CARNMT1: variants seen among roughly 807,000 people sequenced by gnomAD.
CARNMT1 encodes protein-L-histidine N-pros-methyltransferase CARNMT1.
In CARNMT1, 28 loss-of-function variants were observed where a neutral mutation model predicts 49.6. That is an observed-to-expected ratio of 0.56 (90% CI 0.42 to 0.77). CARNMT1 has a LOEUF of 0.77. Ranked by LOEUF, CARNMT1 falls within the 30% of genes least tolerant of loss-of-function variation. The pLI is 0.00. For missense variants in CARNMT1, 421 were observed against 512.6 expected, an observed-to-expected ratio of 0.82 and a Z score of 1.73; for synonymous variants, 178 against 175.0, an observed-to-expected ratio of 1.02 and a Z score of -0.13.
intron 3 of CARNMT1, among the ~76,000 whole-genome samples, chr9:75,003,955 A>C (rs1051091096): frequency 4.6e-5 from 7 of 152,258 alleles, no homozygotes; most frequent in African/African-American, 1.7e-4. Context: ...GACTCACTGC[A>C]ACCTCCGCCT....
intron 1 of CARNMT1, chr9:75,027,275 A>G: frequency 1.7e-6 from 1 of 576,118 alleles, no homozygotes; most frequent in Non-Finnish European, 2.2e-6. Flanking sequence ...AATGAGGAGC[A>G]TAAAGGTCCT....
chr9:75,011,079 TAA>T (rs1833678304), intron 3 of CARNMT1, among the ~76,000 whole-genome samples: 1 of 151,912 alleles, frequency 6.6e-6, no homozygotes. Flanking sequence ...TCACTCATCA[TAA>T]GAGAAATGCA....
intron 1 of CARNMT1, 119 bp downstream of exon 1, chr9:75,027,893 C>T (rs1822577441): frequency 1.7e-6 from 2 of 1,155,170 alleles, no homozygotes; most frequent in African/African-American, 1.7e-5. Flanking sequence ...CTGCAGCAGC[C>T]GGGTCCCGAC....
chr9:75,022,217 T>C (rs1399708795), intron 1 of CARNMT1, among the ~76,000 whole-genome samples: 1 of 128,694 alleles, frequency 7.8e-6, no homozygotes, highest in African/African-American at 2.9e-5. Flanking sequence ...GGAATACTTT[T>C]TTTTTTTTTT....
chr9:74,989,588 A>G (rs1587654357), intron 6 of CARNMT1, among the ~76,000 whole-genome samples: 1 of 152,152 alleles, frequency 6.6e-6, no homozygotes, highest in Non-Finnish European at 1.5e-5. Context: ...ATAATCCCAC[A>G]TGGAGGGAGG....
At chr9:74,993,579 A>C (rs1833097504) in intron 6 of CARNMT1, among the ~76,000 whole-genome samples, 1 of 152,152 alleles carries the variant, frequency 6.6e-6, no homozygotes, top group Non-Finnish European at 1.5e-5. Context: ...TCCTAATGCT[A>C]ATCCAGGCAA....
chr9:75,004,378 T>C (rs1833445450), intron 3 of CARNMT1, among the ~76,000 whole-genome samples: 1 of 152,258 alleles, frequency 6.6e-6, no homozygotes, highest in South Asian at 2.1e-4. Flanking sequence ...GAGTGTCCTG[T>C]ATTTCTTTTT....
chr9:75,003,278 T>G (rs1346874477), intron 3 of CARNMT1, among the ~76,000 whole-genome samples: 1 of 152,236 alleles, frequency 6.6e-6, no homozygotes, highest in African/African-American at 2.4e-5. Flanking sequence ...TGAACTCTCT[T>G]CTCTATGCTT....
chr9:75,014,845 A>T (rs1188819264), intron 3 of CARNMT1, among the ~76,000 whole-genome samples: 1 of 151,894 alleles, frequency 6.6e-6, no homozygotes, highest in Non-Finnish European at 1.5e-5. Flanking sequence ...AAAAATAATA[A>T]ATAAATAAAT....
Position 74,981,156 on chromosome 9 carries a change from T to C in CARNMT1, c.*2611A>G, listed in dbSNP as rs1832681859. On this transcript the variant is annotated 3_prime_UTR_variant, in exon 8 of 8. Coordinates refer to ENST00000376834, the MANE Select transcript of CARNMT1 (RefSeq NM_152420.3). ...CAACTTTTAGAATGAGAGTTACATA[T>C]AAATACAGTACATTTTACAGTTACC... 2 of 152,166 alleles carry C rather than the reference T, an allele frequency of 1.3e-5. No homozygotes were observed. The highest frequency in any genetic ancestry group is 4.1e-4 in the South Asian group (2 of 4,836). The allele number at this position is 152,166 out of a possible 1,614,324, so 9.4% of individuals were successfully genotyped here.
Position 75,016,444 on chromosome 9 carries a change from C to G in CARNMT1, c.427-13G>C. On this transcript the variant is annotated splice_polypyrimidine_tract_variant and intron_variant, in intron 2 of 7. Coordinates refer to ENST00000376834, the MANE Select transcript of CARNMT1 (RefSeq NM_152420.3). ...TCTTTCCATTCCCCTGTTTAAAAAA[C>G]AGACATCAATTAGCTTCTGAGAGAG... The G allele has an allele frequency of 6.2e-7, 1 of 1,612,746 alleles. No individual in the cohort carries two copies. The highest frequency in any genetic ancestry group is 8.5e-7 in the Non-Finnish European group (1 of 1,179,474).
intron 3 of CARNMT1, among the ~76,000 whole-genome samples, chr9:75,012,543 TA>T (rs1833724441): frequency 6.6e-6 from 1 of 152,098 alleles, no homozygotes; most frequent in South Asian, 2.1e-4. Flanking sequence ...CGGCTCAGCC[TA>T]AGTGCTGGGA....
chr9:75,010,119 CTTTTTTTTTTTT>C (rs1187457398), intron 3 of CARNMT1: 1 of 82,300 alleles, frequency 1.2e-5, no homozygotes, highest in Admixed American at 1.5e-4. Flanking sequence ...GGAAGAAATT[CTTTTTTTTTTTT>C]TTTTTTTTTT....
chr9:74,989,358 G>C (rs1832949428), intron 6 of CARNMT1, among the ~76,000 whole-genome samples: 1 of 152,070 alleles, frequency 6.6e-6, no homozygotes, highest in African/African-American at 2.4e-5. Context: ...CAAGTGATCT[G>C]CCTGGCTTGA....
At position 74,986,722 on chromosome 9, in the gene CARNMT1, C is replaced by T. The variant is rs565508736; in HGVS notation, c.1025-1712G>A. ...CCAACCCTCCAACTCAAGCTTTAGC[C>T]GTGCTTCAAAACCTTGCTGAAATCC... On this transcript the variant is annotated intron_variant, in intron 6 of 7. Coordinates refer to ENST00000376834, the MANE Select transcript of CARNMT1 (RefSeq NM_152420.3). 5.3e-5 allele frequency among the ~76,000 whole-genome samples: 8 copies of T among 152,264 alleles called. No homozygotes were observed. The South Asian group carries it at 1.2e-3, about 24-fold the overall frequency.
At chr9:75,011,008 A>G (rs1833676094) in intron 3 of CARNMT1, among the ~76,000 whole-genome samples, 1 of 152,140 alleles carries the variant, frequency 6.6e-6, no homozygotes, top group Admixed American at 6.5e-5. Context: ...AGACATAAAT[A>G]TATAATTCTC....
intron 3 of CARNMT1, among the ~76,000 whole-genome samples, chr9:75,012,102 C>T (rs981931290): frequency 6.6e-6 from 1 of 152,086 alleles, no homozygotes; most frequent in African/African-American, 2.4e-5. Context: ...TGCACACATA[C>T]CCGATGAAAG....
intron 3 of CARNMT1, among the ~76,000 whole-genome samples, chr9:75,004,809 A>C (rs1192679065): frequency 6.6e-6 from 1 of 152,202 alleles, no homozygotes; most frequent in Non-Finnish European, 1.5e-5. Context: ...GTTTGTGTAT[A>C]TATATTAAAA....
Position 75,015,519 on chromosome 9 carries a change from C to T in CARNMT1, c.590+749G>A, listed in dbSNP as rs577747365. ...TGTTATTCTGGGCCAGGTGAGGTAG[C>T]TCACACCTGTAATCCCAGCACTTTG... On this transcript the variant is annotated intron_variant, in intron 3 of 7. Transcript: ENST00000376834. 5.3e-5 allele frequency among the ~76,000 whole-genome samples: 8 copies of T among 152,172 alleles called. No homozygotes were observed. In the South Asian group the frequency reaches 1.7e-3, roughly 32 times the overall value.
Sources: gnomAD v4.1 joint callset for allele counts (sites outside exome capture counted in the v4.1 genomes callset) on GRCh38, gnomAD v4.1.1 for gene constraint, MANE v1.5 for transcripts, NCBI Gene and HGNC (gene_info 2026-07-23, HGNC 2026-07-21) for gene names.